Variants in SHANK2 observed in about 807,000 individuals in gnomAD.
SHANK2 encodes the protein SH3 and multiple ankyrin repeat domains 2, also known as SH3 and multiple ankyrin repeat domains protein 2.
SHANK2 carries 43 observed loss-of-function variants against 133.7 expected under a neutral mutation model. That is an observed-to-expected ratio of 0.32 (90% CI 0.25 to 0.41). The LOEUF (loss-of-function observed/expected upper bound fraction) is 0.41, where lower values mean the gene tolerates loss of function less well. SHANK2 is among the 10% of genes least tolerant of loss of function. The pLI is 1.00. For missense variants in SHANK2, 1,994 were observed against 2,235.8 expected (o/e 0.89, Z 2.18); for synonymous variants, 1,017 against 952.8 (o/e 1.07, Z -1.24).
At chr11:70,718,696 T>TTC (rs1555028142) in intron 14 of SHANK2, among the ~76,000 whole-genome samples, 1 of 129,318 alleles carries the variant, frequency 7.7e-6, no homozygotes, top group East Asian at 2.0e-4. Flanking sequence ...ATAGAGCTCA[T>TTC]TCTCTTTTTT....
At chr11:70,636,614 C>T (rs999351343) in intron 17 of SHANK2, among the ~76,000 whole-genome samples, 6 of 148,354 alleles carry the variant, frequency 4.0e-5, no homozygotes, top group Admixed American at 6.7e-5. Context: ...TGTGTGTATG[C>T]GAGCATGTGT....
At chr11:70,688,889 C>T (rs1162591142) in intron 15 of SHANK2, among the ~76,000 whole-genome samples, 1 of 152,222 alleles carries the variant, frequency 6.6e-6, no homozygotes, top group East Asian at 1.9e-4. Context: ...TCAAGATAAA[C>T]AGACCAGCAC....
chr11:71,077,084 C>T (rs1057347232), intron 8 of SHANK2, among the ~76,000 whole-genome samples: 6 of 152,150 alleles, frequency 3.9e-5, no homozygotes, highest in African/African-American at 1.4e-4. Flanking sequence ...TAAGCTGCAA[C>T]TGACCCTGGA....
chr11:70,490,346 A>T lies in SHANK2; in HGVS notation c.2481T>A (p.Thr827=), dbSNP rs782191560. The change falls in exon 23 of 26, where the codon ACT becomes ACA. Residue 827 remains threonine (T), a synonymous_variant. Transcript: ENST00000601538. ...ERQGIAVMTP[T]VPGSPKAPFL... Reference sequence around the variant, plus strand: ...ACGGGGCTTTTGGGCTCCCAGGAACAGTGGGCGTCATCACGGCGATTCCTT... The same window carrying T: ...ACGGGGCTTTTGGGCTCCCAGGAACTGTGGGCGTCATCACGGCGATTCCTT... 1.9e-5 allele frequency: 30 copies of T among 1,614,106 alleles called. No individual in the cohort carries two copies. Among genetic ancestry groups the T allele is most frequent in the Non-Finnish European group, 2.5e-5 (29 of 1,180,038 alleles).
At chr11:70,774,698 C>T (rs1947325506) in intron 14 of SHANK2, among the ~76,000 whole-genome samples, 1 of 152,030 alleles carries the variant, frequency 6.6e-6, no homozygotes, top group Non-Finnish European at 1.5e-5. Context: ...TTTGCACAAT[C>T]TCGTGAATAT....
intron 2 of SHANK2, among the ~76,000 whole-genome samples, chr11:71,207,628 A>G (rs1365960924): frequency 6.6e-6 from 1 of 152,208 alleles, no homozygotes; most frequent in Non-Finnish European, 1.5e-5. Flanking sequence ...ATCTATTTTC[A>G]GTGCTTTGCT....
chr11:70,769,275 C>T (rs10793292), intron 14 of SHANK2, among the ~76,000 whole-genome samples: 141,384 of 152,242 alleles, frequency 0.93, 65,818 homozygotes, highest in South Asian at 0.96. Flanking sequence ...CTGCTTCACG[C>T]GGTGGCCCCA....
chr11:70,617,040 AGT>A (rs1469225861), intron 17 of SHANK2, among the ~76,000 whole-genome samples: 3 of 150,276 alleles, frequency 2.0e-5, no homozygotes, highest in Non-Finnish European at 3.0e-5. Context: ...TGTGTCTATG[AGT>A]GTGTGTGTAG....
rs147043400 is a variant in SHANK2 at position 70,482,298 on chromosome 11, C to G, written c.4979+3016G>C. Among the ~76,000 whole-genome samples the G allele has an allele frequency of 3.9e-3, 590 of 151,346 alleles. 4 individuals carry two copies. Among genetic ancestry groups the G allele is most frequent in the Non-Finnish European group, 6.4e-3 (431 of 67,430 alleles). ...TAGTGACTAAGCCTGCTGTTATCGGCCGCAGGGTGACCTCCTAGTGACTAA... is the reference window on the plus strand; with the variant it reads ...TAGTGACTAAGCCTGCTGTTATCGGGCGCAGGGTGACCTCCTAGTGACTAA... On this transcript the variant is annotated intron_variant, in intron 25 of 25. Transcript: ENST00000601538.
rs1461573901 is a variant in SHANK2, at chr11:70,708,095, C to T, written c.1778-9332G>A. On this transcript the variant is annotated intron_variant, in intron 14 of 25. Coordinates refer to ENST00000601538, the MANE Select transcript of SHANK2 (RefSeq NM_012309.5). ...GCCTCAGGAGGCAGGGCCCTGCCTT[C>T]TGCCCTCGATGACCAGGAAAAGCCC... Among the ~76,000 whole-genome samples, 3 of 152,250 alleles carry T rather than the reference C, an allele frequency of 2.0e-5. No individual in the cohort carries two copies. The East Asian group carries it at 5.8e-4, about 29-fold the overall frequency.
intron 17 of SHANK2, among the ~76,000 whole-genome samples, chr11:70,656,377 C>T (rs1164578288): frequency 6.6e-6 from 1 of 152,012 alleles, no homozygotes; most frequent in African/African-American, 2.4e-5. Context: ...CTCTGACCTG[C>T]ATAGAAAGAA....
At chr11:70,835,484 G>A (rs1201866065) in intron 11 of SHANK2, among the ~76,000 whole-genome samples, 3 of 152,202 alleles carry the variant, frequency 2.0e-5, no homozygotes, top group African/African-American at 7.2e-5. Flanking sequence ...TGGGGACATG[G>A]TCCGCTCAGT....
rs186560774 is a variant in SHANK2 at position 70,500,180 on chromosome 11, C to T, written c.2308+390G>A. On this transcript the variant is annotated intron_variant, in intron 21 of 25. Transcript: ENST00000601538. The surrounding 1 kb of genome is among the most constrained non-coding windows in gnomAD (Gnocchi z 4.5). Reference sequence around the variant, plus strand: ...AGCCTCTTGGGGAATGGGTGATTTCCGGGCCTTAAAGGGAGGCAGTTCCTG... The same window carrying T: ...AGCCTCTTGGGGAATGGGTGATTTCTGGGCCTTAAAGGGAGGCAGTTCCTG... Among the ~76,000 whole-genome samples, 309 of 152,162 alleles carry T rather than the reference C, an allele frequency of 2.0e-3. 2 individuals carry two copies. Among genetic ancestry groups the T allele is most frequent in the Non-Finnish European group, 1.5e-3 (104 of 67,994 alleles).
intron 2 of SHANK2, among the ~76,000 whole-genome samples, chr11:71,156,492 G>T (rs1163887842): frequency 6.6e-6 from 1 of 151,980 alleles, no homozygotes; most frequent in African/African-American, 2.4e-5. Context: ...TTTCAGACTC[G>T]CTCTACCCCA....
At chr11:71,182,257 A>G (rs1305170121) in intron 2 of SHANK2, among the ~76,000 whole-genome samples, 1 of 152,128 alleles carries the variant, frequency 6.6e-6, no homozygotes, top group Non-Finnish European at 1.5e-5. Context: ...GAGTTTCTAC[A>G]CACAGAGCAG....
chr11:70,779,873 A>G (rs1398346577), intron 14 of SHANK2, among the ~76,000 whole-genome samples: 1 of 151,894 alleles, frequency 6.6e-6, no homozygotes, highest in East Asian at 1.9e-4. Context: ...CCGGCCAGTC[A>G]CCCTTGCTGG....
chr11:71,178,985 GTGAA>G (rs1359397699), intron 2 of SHANK2, among the ~76,000 whole-genome samples: 2 of 151,902 alleles, frequency 1.3e-5, no homozygotes, highest in African/African-American at 4.8e-5. Flanking sequence ...TTCGTCTGAA[GTGAA>G]TGAATGAATG....
chr11:70,687,266 T>A lies in SHANK2; in HGVS notation c.1853+11422A>T, dbSNP rs186776351. Among the ~76,000 whole-genome samples the A allele has an allele frequency of 9.2e-5, 14 of 152,342 alleles. No homozygotes were observed. In the East Asian group the frequency reaches 2.5e-3, roughly 27 times the overall value. On this transcript the variant is annotated intron_variant, in intron 15 of 25. Transcript: ENST00000601538. ...GGACCAGGACCCCTGGCACCTGAACTCCCAGGCCTAGGCCTATCAGGCTTG... is the reference window on the plus strand; with the variant it reads ...GGACCAGGACCCCTGGCACCTGAACACCCAGGCCTAGGCCTATCAGGCTTG...
chr11:70,475,123 G>C (rs2058646483), intron 25 of SHANK2: 1 of 152,238 alleles, frequency 6.6e-6, no homozygotes, highest in Admixed American at 6.5e-5. Context: ...CTTGCACTGG[G>C]GCTGTCTTTG....
Sources: allele counts gnomAD v4.1 joint callset (sites outside exome capture counted in the v4.1 genomes callset), GRCh38; gene constraint gnomAD v4.1.1; non-coding constraint Gnocchi (gnomAD v3.1); transcripts MANE v1.5; gene names NCBI Gene and HGNC (gene_info 2026-07-23, HGNC 2026-07-21).